XRN1: variants seen among roughly 807,000 people sequenced by gnomAD.
XRN1 encodes 5'-3' exoribonuclease 1, also known as strand-exchange protein 1 homolog.
XRN1 carries 67 observed loss-of-function variants against 222.3 expected under a neutral mutation model. That is an observed-to-expected ratio of 0.30 (90% CI 0.25 to 0.37). XRN1 has a LOEUF of 0.37. Among genes scored for constraint, XRN1 ranks in the 10% least tolerant of loss-of-function variants. The pLI, the probability that XRN1 is intolerant of heterozygous loss-of-function variation, is 1.00. For missense variants in XRN1, 1,707 were observed against 2,000.2 expected (o/e 0.85, Z 2.80); for synonymous variants, 643 against 652.4 (o/e 0.99, Z 0.22).
At position 142,328,875 on chromosome 3, in the gene XRN1, C is replaced by T. The variant is rs990179887; in HGVS notation, c.4404+559G>A. 2.7e-5 allele frequency among the ~76,000 whole-genome samples: 4 copies of T among 148,786 alleles called. No individual in the cohort carries two copies. In the East Asian group the frequency reaches 8.0e-4, roughly 30 times the overall value. On this transcript the variant is annotated intron_variant, in intron 37 of 40. Transcript: ENST00000392981. ...CTGGGCTTCCGTCCTCCTGCCTCAGCCTTGTGAGCAGCTGGGACTACAGGC... is the reference window on the plus strand; with the variant it reads ...CTGGGCTTCCGTCCTCCTGCCTCAGTCTTGTGAGCAGCTGGGACTACAGGC...
At chr3:142,322,367 C>T (rs943340348) in intron 37 of XRN1, among the ~76,000 whole-genome samples, 2 of 152,112 alleles carry the variant, frequency 1.3e-5, no homozygotes, top group African/African-American at 4.8e-5. Context: ...GTGGGTACTA[C>T]CACGCTTAGC....
chr3:142,384,463 C>T, intron 21 of XRN1, 60 bp downstream of exon 21: 3 of 1,312,266 alleles, frequency 2.3e-6, no homozygotes, highest in African/African-American at 1.5e-5. Context: ...TTTCATTATA[C>T]AGTGAATAGT....
chr3:142,444,664 A>C (rs1392450427), intron 1 of XRN1, among the ~76,000 whole-genome samples: 2 of 152,192 alleles, frequency 1.3e-5, no homozygotes, highest in African/African-American at 4.8e-5. Context: ...ATAGCACAAC[A>C]GGGTGACGAT....
At chr3:142,316,134 G>A (rs1246199182) in intron 39 of XRN1, among the ~76,000 whole-genome samples, 1 of 148,068 alleles carries the variant, frequency 6.8e-6, no homozygotes, top group Non-Finnish European at 1.5e-5. Context: ...CTCTGATAAT[G>A]TTTCTTTTCT....
In XRN1 at chr3:142,359,939, A is replaced by G; in HGVS notation, c.3395-8T>C. ...CATCGGCTTCTCTATTAGCTGTTAC[A>G]ATAGGGAGAGAAAAAGAGACACTAA... On this transcript the variant is annotated splice_region_variant and splice_polypyrimidine_tract_variant and intron_variant, in intron 29 of 40. Transcript: ENST00000392981. The G allele has an allele frequency of 6.3e-7, 1 of 1,579,034 alleles. No individual in the cohort carries two copies. Among genetic ancestry groups the G allele is most frequent in the Non-Finnish European group, 8.6e-7 (1 of 1,161,996 alleles).
intron 33 of XRN1, among the ~76,000 whole-genome samples, chr3:142,342,019 C>A (rs2066007376): frequency 6.6e-6 from 1 of 152,124 alleles, no homozygotes; most frequent in African/African-American, 2.4e-5. Flanking sequence ...CAGCATTGTA[C>A]TGACTTTCCA....
intron 3 of XRN1, among the ~76,000 whole-genome samples, chr3:142,426,071 A>C (rs2069234261): frequency 1.3e-5 from 2 of 152,118 alleles, no homozygotes; most frequent in African/African-American, 4.8e-5. Context: ...CTAAAACCAC[A>C]ATCAGGATAA....
intron 33 of XRN1, among the ~76,000 whole-genome samples, chr3:142,343,408 C>G (rs908430604): frequency 1.3e-5 from 2 of 151,162 alleles, no homozygotes; most frequent in Non-Finnish European, 2.9e-5. Context: ...GAGCTGAGAT[C>G]GCACCATTGC....
intron 30 of XRN1, among the ~76,000 whole-genome samples, chr3:142,358,327 G>A (rs1161071157): frequency 6.6e-6 from 1 of 152,114 alleles, no homozygotes; most frequent in Non-Finnish European, 1.5e-5. Flanking sequence ...AAACGTGTCA[G>A]ATATTAAAGA....
At chr3:142,412,747 C>T in intron 14 of XRN1, 84 bp from the exon 15 acceptor site, 1 of 1,135,356 alleles carries the variant, frequency 8.8e-7, no homozygotes, top group Admixed American at 2.9e-5. Flanking sequence ...AATATTTCCT[C>T]ATGTTAGTTT....
chr3:142,355,707 G>A (rs1450383409), intron 31 of XRN1, among the ~76,000 whole-genome samples: 1 of 151,854 alleles, frequency 6.6e-6, no homozygotes, highest in East Asian at 1.9e-4. Context: ...TTGTAACCTC[G>A]AATTCCTGGG....
intron 2 of XRN1, among the ~76,000 whole-genome samples, chr3:142,431,868 TATTATATTATATATATTA>T (rs1559879329): frequency 7.2e-4 from 22 of 30,766 alleles, no homozygotes; most frequent in African/African-American, 6.9e-3. Context: ...ATATATAATA[TATTATATTATATATATTA>T]TATATAATAT....
At chr3:142,388,934 G>A (rs1200600693) in intron 20 of XRN1, among the ~76,000 whole-genome samples, 1 of 152,212 alleles carries the variant, frequency 6.6e-6, no homozygotes, top group African/African-American at 2.4e-5. Flanking sequence ...TTGGCCGGGT[G>A]CATTGGCTCA....
At chr3:142,361,344 T>C (rs1181465430) in intron 29 of XRN1, among the ~76,000 whole-genome samples, 1 of 152,248 alleles carries the variant, frequency 6.6e-6, no homozygotes, top group Non-Finnish European at 1.5e-5. Flanking sequence ...AAAGCTGCTA[T>C]GAAGATTCAT....
intron 2 of XRN1, among the ~76,000 whole-genome samples, chr3:142,430,472 G>A (rs2069475714): frequency 6.6e-6 from 1 of 152,214 alleles, no homozygotes; most frequent in South Asian, 2.1e-4. Flanking sequence ...TTCTGATAGA[G>A]TAAGTCTTGG....
intron 37 of XRN1, among the ~76,000 whole-genome samples, chr3:142,324,894 C>G (rs1406763868): frequency 6.6e-6 from 1 of 152,018 alleles, no homozygotes; most frequent in Non-Finnish European, 1.5e-5. Context: ...TAAATGTCTT[C>G]TTTTGAGAAG....
intron 3 of XRN1, 113 bp from the exon 4 acceptor site, chr3:142,425,651 G>GAC: frequency 1.3e-6 from 1 of 796,092 alleles, no homozygotes; most frequent in Non-Finnish European, 2.0e-6. Flanking sequence ...GTAGGTATAG[G>GAC]ATCTCCAAAG....
Position 142,308,671 on chromosome 3 carries a change from A to G in XRN1, c.*2840T>C, listed in dbSNP as rs1577192752. On this transcript the variant is annotated 3_prime_UTR_variant, in exon 41 of 41. Transcript: ENST00000392981. ...AAAAGGAACGAGACTGGAAGGAGCA[A>G]TCTTCAAAATTCACTTAAGTTGCTC... The G allele has an allele frequency of 6.6e-6, 1 of 152,338 alleles. No homozygotes were observed. Among genetic ancestry groups the G allele is most frequent in the Non-Finnish European group, 1.5e-5 (1 of 68,032 alleles). The allele number at this position is 152,338 out of a possible 1,614,324, so 9.4% of individuals were successfully genotyped here. A position where few individuals can be genotyped will look rare whatever the true frequency, so the allele number is the denominator to read the frequency against.
At chr3:142,342,460 A>T (rs185750339) in intron 33 of XRN1, among the ~76,000 whole-genome samples, 9 of 152,328 alleles carry the variant, frequency 5.9e-5, no homozygotes, top group Non-Finnish European at 1.3e-4. Flanking sequence ...TTTACATGGA[A>T]CCACAAAAAC....
Sources: allele counts gnomAD v4.1 joint callset (sites outside exome capture counted in the v4.1 genomes callset), GRCh38; gene constraint gnomAD v4.1.1; transcripts MANE v1.5; gene names NCBI Gene and HGNC (gene_info 2026-07-23, HGNC 2026-07-21).